The following DLGAP1 variants were observed in gnomAD, a reference collection of about 807,000 sequenced individuals.
DLGAP1 encodes the protein DLG associated protein 1.
DLGAP1 carries 11 observed loss-of-function variants against 90.8 expected under a neutral mutation model. That is an observed-to-expected ratio of 0.12 (90% CI 0.08 to 0.20). The LOEUF (loss-of-function observed/expected upper bound fraction) is 0.20. Among genes scored for constraint, DLGAP1 ranks in the 10% least tolerant of loss-of-function variants. The pLI is 1.00. For synonymous variants in DLGAP1, 558 were observed against 540.7 expected, an observed-to-expected ratio of 1.03 and a Z score of -0.44; for missense variants, 1,050 against 1,333.8, an observed-to-expected ratio of 0.79 and a Z score of 3.31.
chr18:3,508,105 C>T (rs1568097332), intron 11 of DLGAP1, among the ~76,000 whole-genome samples: 1 of 152,206 alleles, frequency 6.6e-6, no homozygotes, highest in Non-Finnish European at 1.5e-5. Context: ...ATCAAATCTA[C>T]ACTTTGTGAT....
chr18:3,959,669 A>AAAAGAAAGAAAGAAAGAAAGAAAG (rs35192992), intron 3 of DLGAP1, among the ~76,000 whole-genome samples: 26 of 149,206 alleles, frequency 1.7e-4, no homozygotes, highest in African/African-American at 6.3e-4. Context: ...GTCTCAAAAA[A>AAAAGAAAGAAAGAAAGAAAGAAAG]AAAGAAAGAA....
intron 2 of DLGAP1, among the ~76,000 whole-genome samples, chr18:4,072,831 T>C (rs1017344592): frequency 1.9e-4 from 29 of 152,174 alleles, no homozygotes; most frequent in African/African-American, 1.2e-4. Flanking sequence ...AACTCAACTA[T>C]CTCAACAGCC....
chr18:3,803,572 A>T (rs1336586803), intron 5 of DLGAP1, among the ~76,000 whole-genome samples: 1 of 152,192 alleles, frequency 6.6e-6, no homozygotes, highest in Non-Finnish European at 1.5e-5. Context: ...GGTCCAAAGA[A>T]CTAAAAGAAG....
intron 3 of DLGAP1, among the ~76,000 whole-genome samples, chr18:3,900,628 T>C (rs181004733): frequency 9.2e-5 from 14 of 152,218 alleles, no homozygotes; most frequent in African/African-American, 2.6e-4. Context: ...ATCTCATAAA[T>C]AAATGGATAC....
Position 3,540,436 on chromosome 18 carries a change from C to T in DLGAP1, c.2058-5821G>A, listed in dbSNP as rs188609898. Reference sequence around the variant, plus strand: ...AGTAAGCCGAGATTGCACCACTGCACTCCAGTTTGGGCAACAGAGTGAGGC... The same window carrying T: ...AGTAAGCCGAGATTGCACCACTGCATTCCAGTTTGGGCAACAGAGTGAGGC... On this transcript the variant is annotated intron_variant, in intron 9 of 12. Coordinates refer to ENST00000315677, the MANE Select transcript of DLGAP1 (RefSeq NM_004746.4). Among the ~76,000 whole-genome samples, 411 of 136,386 alleles carry T rather than the reference C, an allele frequency of 3.0e-3. 4 individuals are homozygous for T. The highest frequency in any genetic ancestry group is 0.011 in the African/African-American group (385 of 35,832). The allele number at this position is 136,386 out of a possible 152,430, so 89.5% of individuals were successfully genotyped here.
In DLGAP1 at chr18:3,715,204, T is replaced by A. The variant is rs187143944; in HGVS notation, c.1591+13931A>T. Among the ~76,000 whole-genome samples the A allele has an allele frequency of 1.7e-4, 26 of 152,350 alleles. No homozygotes were observed. In the East Asian group the frequency reaches 4.6e-3, roughly 27 times the overall value. ...GAGAGAACTGGTGAGCATGGCTGTT[T>A]TTACTTTTCCTAAAGTTTCCCCTAG... On this transcript the variant is annotated intron_variant, in intron 7 of 12. Transcript: ENST00000315677.
At chr18:4,300,648 T>C (rs374871050) in intron 1 of DLGAP1, among the ~76,000 whole-genome samples, 53 of 152,246 alleles carry the variant, frequency 3.5e-4, no homozygotes, top group African/African-American at 9.4e-4. Flanking sequence ...TTAAAGTGTC[T>C]TCCCTTTCTG....
Position 3,610,380 on chromosome 18 carries a change from CAG to C in DLGAP1, c.1592-28134_1592-28133del, listed in dbSNP as rs1463286948. ...GAGTCTGACACCTTTGAAAATGTGA[CAG>C]AGAAACACTTAACCACAGACTACCT... On this transcript the variant is annotated intron_variant, in intron 7 of 12. Transcript: ENST00000315677. 7.1e-4 allele frequency among the ~76,000 whole-genome samples: 108 copies of C among 152,306 alleles called. 1 individual carries two copies. In the South Asian group the frequency reaches 0.019, roughly 27 times the overall value.
At chr18:3,586,080 T>C (rs538642705) in intron 7 of DLGAP1, among the ~76,000 whole-genome samples, 3 of 152,138 alleles carry the variant, frequency 2.0e-5, no homozygotes, top group Non-Finnish European at 2.9e-5. Flanking sequence ...AACAGGGACA[T>C]TGGCAGAGTT....
chr18:4,280,042 T>A (rs1157171398), intron 1 of DLGAP1, among the ~76,000 whole-genome samples: 1 of 152,200 alleles, frequency 6.6e-6, no homozygotes, highest in Non-Finnish European at 1.5e-5. Context: ...TACTAACATT[T>A]TTCTGACATT....
intron 7 of DLGAP1, among the ~76,000 whole-genome samples, chr18:3,630,921 C>T (rs2058500474): frequency 1.3e-5 from 2 of 152,110 alleles, no homozygotes; most frequent in East Asian, 3.9e-4. Context: ...ATTTATAGAT[C>T]AGTTTTAAGT....
intron 11 of DLGAP1, among the ~76,000 whole-genome samples, chr18:3,504,797 G>A (rs1231455988): frequency 6.6e-6 from 1 of 152,154 alleles, no homozygotes; most frequent in Non-Finnish European, 1.5e-5. Context: ...GAGAGAAAGC[G>A]TTTAGCCTCA....
intron 3 of DLGAP1, among the ~76,000 whole-genome samples, chr18:3,924,549 A>T (rs939340252): frequency 4.6e-5 from 7 of 152,150 alleles, no homozygotes; most frequent in African/African-American, 1.7e-4. Context: ...CCCTACAAAA[A>T]ACCCTTGGAG....
chr18:3,961,735 C>G (rs1461079914), intron 3 of DLGAP1, among the ~76,000 whole-genome samples: 2 of 152,212 alleles, frequency 1.3e-5, no homozygotes, highest in African/African-American at 4.8e-5. Flanking sequence ...TCAGGGCCAA[C>G]TGACTGGGAA....
intron 9 of DLGAP1, among the ~76,000 whole-genome samples, chr18:3,558,917 G>A (rs1450885895): frequency 6.6e-6 from 1 of 152,118 alleles, no homozygotes; most frequent in Admixed American, 6.5e-5. Flanking sequence ...TGCAGCTACA[G>A]CCTTTAACCC....
At chr18:4,214,546 A>C (rs140799591) in intron 1 of DLGAP1, among the ~76,000 whole-genome samples, 1 of 152,264 alleles carries the variant, frequency 6.6e-6, no homozygotes, top group Non-Finnish European at 1.5e-5. Flanking sequence ...TACACACGTA[A>C]ATTTCTAATC....
At chr18:4,362,947 G>A (rs1197132756) in intron 1 of DLGAP1, among the ~76,000 whole-genome samples, 2 of 152,084 alleles carry the variant, frequency 1.3e-5, no homozygotes, top group Admixed American at 6.6e-5. Context: ...ACTTGACTTG[G>A]AGAGGAGCAA....
intron 3 of DLGAP1, among the ~76,000 whole-genome samples, chr18:3,991,048 T>C (rs1463131600): frequency 6.6e-6 from 1 of 152,108 alleles, no homozygotes; most frequent in African/African-American, 2.4e-5. Flanking sequence ...CATGAGTAAA[T>C]TGTGTGTCAC....
At chr18:3,536,978 G>A (rs1001443441) in intron 9 of DLGAP1, among the ~76,000 whole-genome samples, 2 of 152,012 alleles carry the variant, frequency 1.3e-5, no homozygotes, top group African/African-American at 2.4e-5. Flanking sequence ...AAACAATGAC[G>A]GAATATAAGT....
Sources: allele counts gnomAD v4.1 joint callset (sites outside exome capture counted in the v4.1 genomes callset), GRCh38; gene constraint gnomAD v4.1.1; transcripts MANE v1.5; gene names NCBI Gene and HGNC (gene_info 2026-07-23, HGNC 2026-07-21).